Variants in CCDC178 observed in about 807,000 individuals in gnomAD.
The protein encoded by CCDC178 is coiled-coil domain containing 178, also known as coiled-coil domain-containing protein 178.
CCDC178 carries 126 observed loss-of-function variants against 117.4 expected under a neutral mutation model. That is an observed-to-expected ratio of 1.07 (90% CI 0.93 to 1.24). The LOEUF is 1.24. Ranked by LOEUF, CCDC178 falls within the 50% of genes most tolerant of loss-of-function variation. The pLI is 0.00. For synonymous variants in CCDC178, 283 were observed against 313.4 expected (o/e 0.90, Z 1.02); for missense variants, 1,030 against 986.9 (o/e 1.04, Z -0.59).
intron 20 of CCDC178, among the ~76,000 whole-genome samples, chr18:33,133,467 T>C (rs1231177670): frequency 2.0e-5 from 3 of 151,938 alleles, no homozygotes; most frequent in Non-Finnish European, 4.4e-5. Context: ...AACATATTTA[T>C]CCCTGAAGGC....
intron 21 of CCDC178, among the ~76,000 whole-genome samples, chr18:33,033,397 C>T (rs2056383819): frequency 6.6e-6 from 1 of 152,084 alleles, no homozygotes; most frequent in African/African-American, 2.4e-5. Context: ...TCTGCATCTT[C>T]TCACTTTAGT....
chr18:33,175,800 A>G (rs1022933948), intron 20 of CCDC178, among the ~76,000 whole-genome samples: 1 of 152,100 alleles, frequency 6.6e-6, no homozygotes, highest in African/African-American at 2.4e-5. Flanking sequence ...TCTCTACCCC[A>G]TATGCTGACA....
chr18:33,189,493 CA>C (rs2058833153), intron 20 of CCDC178, among the ~76,000 whole-genome samples: 1 of 152,060 alleles, frequency 6.6e-6, no homozygotes, highest in Non-Finnish European at 1.5e-5. Flanking sequence ...ATATTTAACA[CA>C]GATATAGTAT....
At chr18:33,319,309 G>A (rs1207008099) in intron 11 of CCDC178, among the ~76,000 whole-genome samples, 2 of 151,834 alleles carry the variant, frequency 1.3e-5, no homozygotes, top group Non-Finnish European at 2.9e-5. Flanking sequence ...CTTTCTCCTT[G>A]CGATAGTTTG....
chr18:33,300,289 A>G (rs1445528401), intron 11 of CCDC178, among the ~76,000 whole-genome samples: 1 of 152,198 alleles, frequency 6.6e-6, no homozygotes, highest in African/African-American at 2.4e-5. Flanking sequence ...TGAGCCAATT[A>G]AGCCTTTTTA....
intron 2 of CCDC178, among the ~76,000 whole-genome samples, chr18:33,414,437 C>T (rs943068306): frequency 1.3e-5 from 2 of 152,082 alleles, no homozygotes; most frequent in African/African-American, 4.8e-5. Flanking sequence ...CTGACAAAAA[C>T]AAGAAATGAG....
chr18:33,166,040 T>C (rs1046992464), intron 20 of CCDC178, among the ~76,000 whole-genome samples: 4 of 152,190 alleles, frequency 2.6e-5, no homozygotes, highest in African/African-American at 9.6e-5. Context: ...TATATTAAGG[T>C]ATCAGCAGTT....
intron 18 of CCDC178, among the ~76,000 whole-genome samples, chr18:33,217,686 A>G (rs2059182743): frequency 6.6e-6 from 1 of 152,082 alleles, no homozygotes; most frequent in Non-Finnish European, 1.5e-5. Flanking sequence ...AATTAATAAA[A>G]GAAATGTGAT....
intron 20 of CCDC178, among the ~76,000 whole-genome samples, chr18:33,174,497 T>A (rs1054612095): frequency 1.3e-5 from 2 of 152,154 alleles, no homozygotes; most frequent in Admixed American, 6.6e-5. Flanking sequence ...CCAAGGACTA[T>A]GAATGAGGAC....
At chr18:33,020,888 A>G (rs952428742) in intron 21 of CCDC178, among the ~76,000 whole-genome samples, 1 of 152,196 alleles carries the variant, frequency 6.6e-6, no homozygotes, top group Non-Finnish European at 1.5e-5. Flanking sequence ...TGAAAATGAC[A>G]TGTGTGTTAG....
At chr18:32,967,963 C>T (rs1004107613) in intron 22 of CCDC178, among the ~76,000 whole-genome samples, 20 of 151,150 alleles carry the variant, frequency 1.3e-4, no homozygotes, top group Middle Eastern at 6.8e-3. Context: ...GGATAGATAG[C>T]ATATTCATCT....
At position 33,394,965 on chromosome 18, in the gene CCDC178, A is replaced by G. The variant is rs1251773213; in HGVS notation, c.118+2184T>C. Among the ~76,000 whole-genome samples the G allele has an allele frequency of 5.4e-4, 72 of 133,374 alleles. 1 individual carries two copies. Among genetic ancestry groups the G allele is most frequent in the African/African-American group, 1.5e-3 (56 of 36,634 alleles). The allele number at this position is 133,374 out of a possible 152,430, so 87.5% of individuals were successfully genotyped here. ...TGTGTATATATATATATATATATATATATATATATATATATATATATATGT... is the reference window on the plus strand; with the variant it reads ...TGTGTATATATATATATATATATATGTATATATATATATATATATATATGT... On this transcript the variant is annotated intron_variant, in intron 4 of 22. Transcript: ENST00000383096.
chr18:33,347,753 T>C (rs1001833647), intron 8 of CCDC178, among the ~76,000 whole-genome samples: 4 of 152,086 alleles, frequency 2.6e-5, no homozygotes, highest in Non-Finnish European at 4.4e-5. Context: ...AAGGTGTTCA[T>C]TATGTTTCTA....
chr18:33,118,317 C>T (rs1469472836), intron 20 of CCDC178, among the ~76,000 whole-genome samples: 3 of 152,054 alleles, frequency 2.0e-5, no homozygotes, highest in Non-Finnish European at 2.9e-5. Flanking sequence ...TACTCTAAAT[C>T]AGCCTCCAAT....
chr18:33,065,859 T>A (rs1373345467), intron 21 of CCDC178, among the ~76,000 whole-genome samples: 1 of 148,910 alleles, frequency 6.7e-6, no homozygotes, highest in East Asian at 2.0e-4. Context: ...AAAGTTCTTT[T>A]TCTTTTTTTT....
rs149072887 is a variant in CCDC178, at chr18:33,126,516, G to T, written c.2239-33606C>A. Among the ~76,000 whole-genome samples, 213 of 151,412 alleles carry T rather than the reference G, an allele frequency of 1.4e-3. 1 individual carries two copies. The highest frequency in any genetic ancestry group is 4.4e-3 in the African/African-American group (182 of 41,356). On this transcript the variant is annotated intron_variant, in intron 20 of 22. Coordinates refer to ENST00000383096, the MANE Select transcript of CCDC178 (RefSeq NM_001105528.4). ...TCTTGGTATCTTGGTATCCTCAGGG[G>T]ATTGGTTCCAGGACCCCCTGCATAT... is the stretch of plus-strand genomic sequence containing the variant.
In CCDC178 at chr18:33,077,767, C is replaced by T. The variant is rs549580045; in HGVS notation, c.2388+14994G>A. ...TCTCTGAGCAGATCAATAACAAGTT[C>T]CAAAATTGAATCAGTAATAAATAGC... is the stretch of plus-strand genomic sequence containing the variant. On this transcript the variant is annotated intron_variant, in intron 21 of 22. Coordinates refer to ENST00000383096, the MANE Select transcript of CCDC178 (RefSeq NM_001105528.4). 2.2e-4 allele frequency among the ~76,000 whole-genome samples: 34 copies of T among 152,184 alleles called. 2 individuals are homozygous for T. In the South Asian group the frequency reaches 6.6e-3, roughly 30 times the overall value.
chr18:33,069,455 G>T (rs185007529), intron 21 of CCDC178, among the ~76,000 whole-genome samples: 1 of 152,146 alleles, frequency 6.6e-6, no homozygotes, highest in Non-Finnish European at 1.5e-5. Flanking sequence ...AAATAGTGCT[G>T]GGAAACTAGA....
intron 15 of CCDC178, 51 bp from the exon 16 acceptor site, chr18:33,226,906 A>G: frequency 9.9e-7 from 1 of 1,010,568 alleles, no homozygotes; most frequent in Non-Finnish European, 1.5e-6. Context: ...AAAACATCAA[A>G]AACATTTTTT....
Sources: allele counts gnomAD v4.1 joint callset (sites outside exome capture counted in the v4.1 genomes callset), GRCh38; gene constraint gnomAD v4.1.1; transcripts MANE v1.5; gene names NCBI Gene and HGNC (gene_info 2026-07-23, HGNC 2026-07-21).